The following GTF2F2 variants were observed in gnomAD, a reference collection of about 807,000 sequenced individuals.
The protein encoded by GTF2F2 is ATP-dependent helicase GTF2F2.
Under a neutral mutation model 42.2 loss-of-function variants are expected in GTF2F2, and 23 were observed. The ratio of observed to expected loss-of-function variants is 0.55; its 90% CI spans 0.39 to 0.77. GTF2F2 has a LOEUF of 0.77. Ranked by LOEUF, GTF2F2 falls within the 30% of genes least tolerant of loss-of-function variation. The pLI, the probability that GTF2F2 is intolerant of heterozygous loss-of-function variation, is 0.00. For synonymous variants in GTF2F2, 105 were observed against 100.8 expected (o/e 1.04, Z -0.25); for missense variants, 261 against 287.2 (o/e 0.91, Z 0.66).
chr13:45,170,834 A>G (rs908925075), intron 4 of GTF2F2, among the ~76,000 whole-genome samples: 11 of 152,106 alleles, frequency 7.2e-5, no homozygotes, highest in African/African-American at 2.7e-4. Context: ...GTGGCTTCCA[A>G]CTGACTGAGG....
intron 4 of GTF2F2, among the ~76,000 whole-genome samples, chr13:45,188,773 CTAATA>C (rs895095343): frequency 2.0e-5 from 3 of 152,122 alleles, no homozygotes; most frequent in Admixed American, 2.0e-4. Flanking sequence ...CTTTTTTCTC[CTAATA>C]TGTCAGTTCT....
intron 1 of GTF2F2, among the ~76,000 whole-genome samples, chr13:45,132,830 G>A (rs2138095347): frequency 6.6e-6 from 1 of 151,796 alleles, no homozygotes; most frequent in South Asian, 2.1e-4. Flanking sequence ...GAGGAAGGAA[G>A]AGGTGTTCTA....
At chr13:45,173,995 A>T (rs1032767303) in intron 4 of GTF2F2, among the ~76,000 whole-genome samples, 4 of 152,162 alleles carry the variant, frequency 2.6e-5, no homozygotes, top group Admixed American at 2.6e-4. Flanking sequence ...ACTCAGCATA[A>T]ATTCTCTAGA....
rs1305999338 is a variant in GTF2F2, at chr13:45,138,056, T to G, written c.140+1250T>G. On this transcript the variant is annotated intron_variant, in intron 2 of 7. Transcript: ENST00000340473. The stretch of plus-strand genomic sequence containing the variant: ...ACTTGAACTTCGGTGGAATTTGACA[T>G]AGTTGATCACTTTTTTCCTGAGACT... Among the ~76,000 whole-genome samples, 3 of 152,172 alleles carry G rather than the reference T, an allele frequency of 2.0e-5. No homozygotes were observed. The East Asian group carries it at 5.8e-4, about 29-fold the overall frequency.
At chr13:45,279,471 G>T (rs558249723) in intron 7 of GTF2F2, among the ~76,000 whole-genome samples, 39 of 152,260 alleles carry the variant, frequency 2.6e-4, no homozygotes, top group African/African-American at 7.9e-4. Flanking sequence ...ACTAGAATTT[G>T]AATGGTCTAT....
intron 1 of GTF2F2, among the ~76,000 whole-genome samples, chr13:45,125,816 T>C (rs972058782): frequency 3.3e-5 from 5 of 152,146 alleles, no homozygotes; most frequent in South Asian, 2.1e-4. Flanking sequence ...TAGTGAGTAC[T>C]CTTGGGATCA....
In GTF2F2 at chr13:45,229,795, G is replaced by A. The variant is rs866262831; in HGVS notation, c.386+22290G>A. On this transcript the variant is annotated intron_variant, in intron 5 of 7. Transcript: ENST00000340473. ...CACTTAGAAGGACTAATAGGTACAG[G>A]TCACACCCTCCTCTTTTCTCCTCTC... 3.9e-5 allele frequency among the ~76,000 whole-genome samples: 6 copies of A among 152,210 alleles called. No homozygotes were observed. The Middle Eastern group carries it at 0.01, about 259-fold the overall frequency.
intron 1 of GTF2F2, among the ~76,000 whole-genome samples, 153 bp from the exon 2 acceptor site, chr13:45,136,580 C>T (rs1670503810): frequency 6.6e-6 from 1 of 152,126 alleles, no homozygotes; most frequent in African/African-American, 2.4e-5. Context: ...TTTTACGTGT[C>T]TTAGTATTTT....
chr13:45,252,171 C>G (rs1304795927), intron 5 of GTF2F2, among the ~76,000 whole-genome samples: 1 of 152,188 alleles, frequency 6.6e-6, no homozygotes, highest in African/African-American at 2.4e-5. Flanking sequence ...GAGACATGGT[C>G]TCTCTCTGTT....
chr13:45,274,155 C>T (rs981301460), intron 7 of GTF2F2, among the ~76,000 whole-genome samples: 14 of 151,872 alleles, frequency 9.2e-5, no homozygotes, highest in African/African-American at 3.4e-4. Flanking sequence ...CCCAAGACAG[C>T]GAGTTCAATT....
At chr13:45,259,414 G>A (rs1279057032) in intron 6 of GTF2F2, among the ~76,000 whole-genome samples, 4 of 151,826 alleles carry the variant, frequency 2.6e-5, no homozygotes, top group Admixed American at 6.6e-5. Context: ...CAACAAGAGC[G>A]AAACTCCATC....
intron 6 of GTF2F2, among the ~76,000 whole-genome samples, chr13:45,259,500 T>C (rs1876242777): frequency 6.6e-6 from 1 of 152,288 alleles, no homozygotes; most frequent in Non-Finnish European, 1.5e-5. Flanking sequence ...GCCAGCCATC[T>C]TAAGTTTTTA....
chr13:45,222,111 C>T (rs1874144998), intron 5 of GTF2F2, among the ~76,000 whole-genome samples: 1 of 152,136 alleles, frequency 6.6e-6, no homozygotes, highest in South Asian at 2.1e-4. Flanking sequence ...ATTCTTAACA[C>T]TTACCATTGT....
chr13:45,280,257 A>G (rs1877206835), intron 7 of GTF2F2, among the ~76,000 whole-genome samples: 1 of 152,226 alleles, frequency 6.6e-6, no homozygotes, highest in Non-Finnish European at 1.5e-5. Context: ...GATGCCTACA[A>G]AGGCGTTTGG....
intron 5 of GTF2F2, among the ~76,000 whole-genome samples, chr13:45,230,233 T>A (rs1041930086): frequency 6.6e-6 from 1 of 150,702 alleles, no homozygotes; most frequent in East Asian, 1.9e-4. Flanking sequence ...AAAAAAAAAA[T>A]TAACAAAAAG....
chr13:45,209,342 A>G (rs916772703), intron 5 of GTF2F2, among the ~76,000 whole-genome samples: 1 of 152,236 alleles, frequency 6.6e-6, no homozygotes, highest in Admixed American at 6.5e-5. Context: ...TTGTATAAGT[A>G]CACTCTATAA....
intron 5 of GTF2F2, among the ~76,000 whole-genome samples, chr13:45,212,512 C>A (rs1042543297): frequency 2.8e-5 from 2 of 71,940 alleles, no homozygotes; most frequent in Non-Finnish European, 6.0e-5. Flanking sequence ...TCTTTCTTTT[C>A]TTTCTTTCTC....
chr13:45,258,087 C>A (rs556505014), intron 6 of GTF2F2, among the ~76,000 whole-genome samples: 1 of 152,182 alleles, frequency 6.6e-6, no homozygotes, highest in Admixed American at 6.5e-5. Flanking sequence ...TTTGAGGTGA[C>A]AAACAGTGAT....
At chr13:45,198,766 C>CT (rs200723716) in intron 4 of GTF2F2, among the ~76,000 whole-genome samples, 2,663 of 150,304 alleles carry the variant, frequency 0.018, 48 homozygotes, top group South Asian at 0.041. Flanking sequence ...AGCTGAGTTT[C>CT]TTTTTTTTTA....
Sources: gnomAD v4.1 joint callset for allele counts (sites outside exome capture counted in the v4.1 genomes callset) on GRCh38, gnomAD v4.1.1 for gene constraint, MANE v1.5 for transcripts, NCBI Gene and HGNC (gene_info 2026-07-23, HGNC 2026-07-21) for gene names.